Variants in KLHL14 observed in about 807,000 individuals in gnomAD.
KLHL14 encodes kelch like family member 14.
In KLHL14, 22 loss-of-function variants were observed where a neutral mutation model predicts 64.3. The observed-to-expected ratio is 0.34, with a 90% confidence interval of 0.24 to 0.49. KLHL14 has a LOEUF of 0.49. KLHL14 is among the 20% of genes least tolerant of loss of function. The pLI is 0.99. For missense variants in KLHL14, 661 were observed against 789.0 expected, an observed-to-expected ratio of 0.84 and a Z score of 1.94; for synonymous variants, 322 against 333.4, an observed-to-expected ratio of 0.97 and a Z score of 0.37.
chr18:32,678,193 G>C (rs1438149492), intron 7 of KLHL14, among the ~76,000 whole-genome samples: 1 of 152,064 alleles, frequency 6.6e-6, no homozygotes, highest in Non-Finnish European at 1.5e-5. Context: ...CTTTAATTTA[G>C]AGGGTGAGAA....
chr18:32,731,765 A>G (rs901170289), intron 3 of KLHL14, among the ~76,000 whole-genome samples: 6 of 151,874 alleles, frequency 4.0e-5, no homozygotes, highest in African/African-American at 1.5e-4. Context: ...GCATAACTAT[A>G]TTTTAGATGT....
chr18:32,710,869 CCTAACAGTTGG>C (rs1784040714), intron 3 of KLHL14, among the ~76,000 whole-genome samples: 1 of 151,866 alleles, frequency 6.6e-6, no homozygotes, highest in African/African-American at 2.4e-5. Flanking sequence ...CCTTTGGGTG[CCTAACAGTTGG>C]CTGGCGTGTA....
At chr18:32,757,034 A>C (rs1467445286) in intron 2 of KLHL14, among the ~76,000 whole-genome samples, 2 of 152,268 alleles carry the variant, frequency 1.3e-5, no homozygotes, top group African/African-American at 4.8e-5. Context: ...CAGAGCTGTC[A>C]TAGTGGCTCA....
chr18:32,685,611 T>C (rs79958318), intron 5 of KLHL14, among the ~76,000 whole-genome samples: 2,682 of 152,260 alleles, frequency 0.018, 70 homozygotes, highest in African/African-American at 0.061. Context: ...ATTCATTAAG[T>C]TTGTCAAGCT....
In KLHL14 at chr18:32,770,500, A is replaced by G; in HGVS notation, c.92T>C (p.Leu31Pro). The G allele has an allele frequency of 6.2e-7, 1 of 1,611,408 alleles. No homozygotes were observed. The highest frequency in any genetic ancestry group is 8.5e-7 in the Non-Finnish European group (1 of 1,179,782). Residue 31 changes from leucine (L) to proline (P), a missense_variant, in exon 2 of 9, where the codon CTG becomes CCG. Physicochemically the swap from Leu to Pro is moderately conservative, Grantham distance 98. Transcript: ENST00000359358. The surrounding 1 kb of genome is among the most constrained non-coding windows in gnomAD (Gnocchi z 6.7). The stretch of plus-strand genomic sequence containing the variant: ...GGCCGTCAGGGTCACGTCGCAAAAC[A>G]GCTGCTTCCTCCACAGCAGGTTGAG... ...HGLNLLWRKQ[L>P]FCDVTLTAQG...
intron 2 of KLHL14, among the ~76,000 whole-genome samples, chr18:32,762,270 C>A (rs1220133002): frequency 1.3e-5 from 2 of 151,528 alleles, no homozygotes; most frequent in African/African-American, 2.4e-5. Flanking sequence ...GTCTATAACT[C>A]TAAATTATAT....
intron 3 of KLHL14, among the ~76,000 whole-genome samples, chr18:32,739,712 T>C (rs2050185665): frequency 6.6e-6 from 1 of 151,808 alleles, no homozygotes; most frequent in Admixed American, 6.6e-5. Context: ...ATAGAGTCAA[T>C]AGATAGATAC....
chr18:32,701,374 G>T (rs1438049558), intron 3 of KLHL14, among the ~76,000 whole-genome samples: 1 of 152,204 alleles, frequency 6.6e-6, no homozygotes, highest in African/African-American at 2.4e-5. Context: ...GGGATGATGT[G>T]CTAGAGAGTG....
chr18:32,703,766 T>C (rs2049977308), intron 3 of KLHL14, among the ~76,000 whole-genome samples: 1 of 152,230 alleles, frequency 6.6e-6, no homozygotes, highest in Non-Finnish European at 1.5e-5. Context: ...ATTATGATCG[T>C]GTTATTTTAA....
Position 32,770,878 on chromosome 18 carries a change from G to A in KLHL14, c.-43-244C>T, listed in dbSNP as rs1270158095. ...TCCCGGCGCCGGTTCTGCGCCCTGC[G>A]GCTCCTCTCGCCACCTCCCACACAC... On this transcript the variant is annotated intron_variant, in intron 1 of 8. Coordinates refer to ENST00000359358, the MANE Select transcript of KLHL14 (RefSeq NM_020805.3). This position sits in a 1 kb window ranked among gnomAD's most constrained non-coding sequence, Gnocchi z 6.7. 4 of 470,514 alleles carry A rather than the reference G, an allele frequency of 8.5e-6. No homozygotes were observed. Among genetic ancestry groups the A allele is most frequent in the South Asian group, 2.8e-5 (1 of 35,824 alleles). The allele number at this position is 470,514 out of a possible 1,614,324, so 29.1% of individuals were successfully genotyped here. A position where few individuals can be genotyped will look rare whatever the true frequency, so the allele number is the denominator to read the frequency against.
chr18:32,723,674 A>G (rs931325303), intron 3 of KLHL14, among the ~76,000 whole-genome samples: 2 of 152,184 alleles, frequency 1.3e-5, no homozygotes, highest in Non-Finnish European at 2.9e-5. Context: ...TGTGTTGATG[A>G]GAAAACCAAG....
chr18:32,716,873 G>A (rs1248767432), intron 3 of KLHL14, among the ~76,000 whole-genome samples: 1 of 151,422 alleles, frequency 6.6e-6, no homozygotes. Context: ...TTTACATTAT[G>A]ACTCCTAAAA....
At chr18:32,760,032 C>T (rs2050305701) in intron 2 of KLHL14, among the ~76,000 whole-genome samples, 1 of 152,166 alleles carries the variant, frequency 6.6e-6, no homozygotes, top group Non-Finnish European at 1.5e-5. Flanking sequence ...AATCCCATCG[C>T]TTTGCACAGG....
chr18:32,697,304 C>A (rs1378775118), intron 3 of KLHL14, among the ~76,000 whole-genome samples: 1 of 152,024 alleles, frequency 6.6e-6, no homozygotes, highest in African/African-American at 2.4e-5. Flanking sequence ...ATGCTGGTTC[C>A]AAAATACCAA....
intron 4 of KLHL14, 43 bp downstream of exon 4, chr18:32,695,420 A>G: frequency 8.4e-7 from 1 of 1,187,548 alleles, no homozygotes; most frequent in Non-Finnish European, 1.3e-6. Context: ...TTCATTACAC[A>G]CATACTTGTT....
At chr18:32,751,231 C>T (rs145214566) in intron 2 of KLHL14, among the ~76,000 whole-genome samples, 1,955 of 151,936 alleles carry the variant, frequency 0.013, 26 homozygotes, top group Middle Eastern at 0.037. Flanking sequence ...AGAGCTGCTA[C>T]CCTTCTCTTA....
At chr18:32,728,001 G>A (rs1389126341) in intron 3 of KLHL14, among the ~76,000 whole-genome samples, 4 of 146,790 alleles carry the variant, frequency 2.7e-5, no homozygotes, top group Non-Finnish European at 6.0e-5. Flanking sequence ...TCCCCTGGAA[G>A]TGATCGCCTC....
chr18:32,680,366 T>A lies in KLHL14; in HGVS notation c.1430-39A>T. 1 of 1,613,640 alleles carries A rather than the reference T, an allele frequency of 6.2e-7. No homozygotes were observed. On this transcript the variant is annotated intron_variant, in intron 6 of 8. Transcript: ENST00000359358. This position sits in a 1 kb window ranked among gnomAD's most constrained non-coding sequence, Gnocchi z 4.8. ...ATAGACATACAAGTCAAGAGAGTGC[T>A]TTGGAACTGAACTTTGTAACAGAAA...
chr18:32,711,029 T>C (rs2050016660), intron 3 of KLHL14, among the ~76,000 whole-genome samples: 1 of 152,204 alleles, frequency 6.6e-6, no homozygotes, highest in Admixed American at 6.5e-5. Context: ...AAGCCTGAAC[T>C]GTGTGAACAG....
Sources: allele counts gnomAD v4.1 joint callset (sites outside exome capture counted in the v4.1 genomes callset), GRCh38; gene constraint gnomAD v4.1.1; non-coding constraint Gnocchi (gnomAD v3.1); transcripts MANE v1.5; gene names NCBI Gene and HGNC (gene_info 2026-07-23, HGNC 2026-07-21).